Variants in ADAMTS16 observed in about 807,000 individuals in gnomAD.
The protein encoded by ADAMTS16 is ADAM metallopeptidase with thrombospondin type 1 motif 16, also known as A disintegrin and metalloproteinase with thrombospondin motifs 16.
A neutral mutation model predicts 145.8 loss-of-function variants in ADAMTS16; 94 were observed. That is an observed-to-expected ratio of 0.64 (90% confidence interval 0.55 to 0.77). The LOEUF is 0.77. Ranked by LOEUF, ADAMTS16 falls within the 30% of genes least tolerant of loss-of-function variation. The pLI is 0.00. For missense variants in ADAMTS16, 1,585 were observed against 1,591.5 expected (o/e 1.00, Z 0.07); for synonymous variants, 659 against 604.3 (o/e 1.09, Z -1.33).
intron 3 of ADAMTS16, among the ~76,000 whole-genome samples, chr5:5,158,852 T>C (rs530619271): frequency 2.5e-4 from 38 of 152,348 alleles, no homozygotes; most frequent in African/African-American, 8.9e-4. Context: ...TGCTTCAGTC[T>C]CTTAGGCATG....
At chr5:5,211,104 T>A (rs970933292) in intron 10 of ADAMTS16, among the ~76,000 whole-genome samples, 17 of 152,230 alleles carry the variant, frequency 1.1e-4, no homozygotes, top group African/African-American at 3.9e-4. Flanking sequence ...CCTAATAAAA[T>A]CAGTTGACAG....
chr5:5,257,549 A>C (rs190765122), intron 17 of ADAMTS16, among the ~76,000 whole-genome samples: 4 of 152,380 alleles, frequency 2.6e-5, no homozygotes, highest in Non-Finnish European at 4.4e-5. Context: ...ATGTAATGCA[A>C]ACAACTGGGA....
intron 9 of ADAMTS16, among the ~76,000 whole-genome samples, chr5:5,204,410 G>A (rs2126597131): frequency 6.6e-6 from 1 of 152,268 alleles, no homozygotes; most frequent in South Asian, 2.1e-4. Flanking sequence ...GAACGCAATA[G>A]TGTAACTAAC....
In ADAMTS16 at chr5:5,303,326, C is replaced by T. The variant is rs1169473437; in HGVS notation, c.2848C>T (p.Arg950Cys). 7 of 1,602,460 alleles carry T rather than the reference C, an allele frequency of 4.4e-6. No homozygotes were observed. The highest frequency in any genetic ancestry group is 2.7e-5 in the African/African-American group (2 of 74,770). Reference protein sequence around the residue: ...SRTCGGGAQSRPVQCTRRVHY... With the variant: ...SRTCGGGAQSCPVQCTRRVHY... ...GACGTGTGGCGGGGGTGCCCAGAGC[C>T]GCCCCGTGCAGTGCACACGGCGGGT... The change falls in exon 19 of 23, where the codon CGC becomes TGC. Residue 950 changes from arginine (R) to cysteine (C), a missense_variant. Arg to Cys is a radical substitution (Grantham distance 180). Around this residue, in one of 3 missense-constraint regions of ADAMTS16, gnomAD observed 834 missense variants for 811.7 expected, o/e 1.03. Coordinates refer to ENST00000274181, the MANE Select transcript of ADAMTS16 (RefSeq NM_139056.4).
At chr5:5,288,808 AGCATGG>A (rs913328700) in intron 18 of ADAMTS16, among the ~76,000 whole-genome samples, 3 of 152,208 alleles carry the variant, frequency 2.0e-5, no homozygotes, top group Non-Finnish European at 4.4e-5. Context: ...GGAGCAATGC[AGCATGG>A]TGGATAAGAA....
intron 10 of ADAMTS16, among the ~76,000 whole-genome samples, chr5:5,219,525 T>C (rs1736532423): frequency 6.6e-6 from 1 of 152,256 alleles, no homozygotes; most frequent in South Asian, 2.1e-4. Context: ...CTATAGTTTT[T>C]ATTCGTTTGT....
At chr5:5,298,059 C>A (rs1271832585) in intron 18 of ADAMTS16, among the ~76,000 whole-genome samples, 2 of 152,238 alleles carry the variant, frequency 1.3e-5, no homozygotes, top group Non-Finnish European at 2.9e-5. Context: ...CTGGCATTAA[C>A]TCCTAGATGG....
In ADAMTS16 at chr5:5,212,854, G is replaced by A. The variant is rs182802854; in HGVS notation, c.1605+3608G>A. 1.3e-4 allele frequency among the ~76,000 whole-genome samples: 20 copies of A among 152,024 alleles called. No individual in the cohort carries two copies. The East Asian group carries it at 3.9e-3, about 29-fold the overall frequency. ...TTTCTATTAGTCTCATTTCTATTTT[G>A]TTTCTCTGTTCCCTTTCTTCTGCCT... On this transcript the variant is annotated intron_variant, in intron 10 of 22. Coordinates refer to ENST00000274181, the MANE Select transcript of ADAMTS16 (RefSeq NM_139056.4).
rs532703925 is a variant in ADAMTS16 at position 5,161,652 on chromosome 5, C to T, written c.501+15197C>T. Among the ~76,000 whole-genome samples the T allele has an allele frequency of 2.0e-5, 3 of 152,302 alleles. No individual in the cohort carries two copies. In the East Asian group the frequency reaches 5.8e-4, roughly 29 times the overall value. On this transcript the variant is annotated intron_variant, in intron 3 of 22. Coordinates refer to ENST00000274181, the MANE Select transcript of ADAMTS16 (RefSeq NM_139056.4). Reference sequence around the variant, plus strand: ...TCCAAATTTCCATACTGTCTTAATTCACCTTCCATTCACAGGTCCTTTCCA... The same window carrying T: ...TCCAAATTTCCATACTGTCTTAATTTACCTTCCATTCACAGGTCCTTTCCA...
At chr5:5,241,162 G>A (rs778483283) in intron 16 of ADAMTS16, among the ~76,000 whole-genome samples, 1 of 152,050 alleles carries the variant, frequency 6.6e-6, no homozygotes, top group Non-Finnish European at 1.5e-5. Context: ...GGGAGGGTGA[G>A]GATCTTTTTC....
chr5:5,220,957 G>T (rs1736587591), intron 10 of ADAMTS16, among the ~76,000 whole-genome samples: 1 of 151,892 alleles, frequency 6.6e-6, no homozygotes, highest in Non-Finnish European at 1.5e-5. Flanking sequence ...CATTCCTTAG[G>T]TATGCATGCT....
rs534926156 is a variant in ADAMTS16, at chr5:5,239,417, G to A, written c.2278+143G>A. On this transcript the variant is annotated intron_variant, in intron 15 of 22. Coordinates refer to ENST00000274181, the MANE Select transcript of ADAMTS16 (RefSeq NM_139056.4). ...TGCCTCAGCTGGCGCTTTGCTTCTC[G>A]AGCCTCTTGCTTTGATTGGAAGTGG... 3.8e-6 allele frequency: 5 copies of A among 1,324,668 alleles called. No homozygotes were observed. In the South Asian group the frequency reaches 4.7e-5, roughly 12 times the overall value. 82.1% of individuals were successfully genotyped at this position (1,324,668 alleles called of 1,614,324 possible).
At chr5:5,301,694 G>A (rs115081489) in intron 18 of ADAMTS16, among the ~76,000 whole-genome samples, 1 of 152,170 alleles carries the variant, frequency 6.6e-6, no homozygotes, top group African/African-American at 2.4e-5. Context: ...GGTTCAGTGT[G>A]GGGGCACAGG....
intron 4 of ADAMTS16, 130 bp from the exon 5 acceptor site, chr5:5,185,922 G>A: frequency 2.7e-6 from 2 of 737,688 alleles, no homozygotes; most frequent in Non-Finnish European, 4.6e-6. Flanking sequence ...TGCATCACAA[G>A]GTTTTAAAGG....
chr5:5,261,658 G>A lies in ADAMTS16; in HGVS notation c.2663-999G>A, dbSNP rs79878016. ...GTGCCACCACGCCCAGCTAATTTTT[G>A]TATTTTTAGTAGAGACGGAGTTTCA... On this transcript the variant is annotated intron_variant, in intron 17 of 22. Coordinates refer to ENST00000274181, the MANE Select transcript of ADAMTS16 (RefSeq NM_139056.4). 2.4e-3 allele frequency among the ~76,000 whole-genome samples: 358 copies of A among 152,116 alleles called. 7 individuals carry two copies. In the East Asian group the frequency reaches 0.053, roughly 23 times the overall value.
chr5:5,170,201 G>A (rs188040671), intron 3 of ADAMTS16, among the ~76,000 whole-genome samples: 4 of 151,984 alleles, frequency 2.6e-5, no homozygotes, highest in South Asian at 2.1e-4. Flanking sequence ...CCACATCCTC[G>A]CCAGCATTTT....
intron 10 of ADAMTS16, among the ~76,000 whole-genome samples, chr5:5,221,504 A>G (rs535198534): frequency 3.3e-5 from 5 of 152,276 alleles, no homozygotes. Context: ...AGATCATGAC[A>G]TTTCATTGCA....
chr5:5,227,230 C>A (rs1472557764), intron 11 of ADAMTS16, among the ~76,000 whole-genome samples: 1 of 152,202 alleles, frequency 6.6e-6, no homozygotes, highest in Non-Finnish European at 1.5e-5. Flanking sequence ...ATACACTGCT[C>A]CCCTGCATCT....
At position 5,209,625 on chromosome 5, in the gene ADAMTS16, A is replaced by G. The variant is rs566103185; in HGVS notation, c.1605+379A>G. On this transcript the variant is annotated intron_variant, in intron 10 of 22. Transcript: ENST00000274181. ...TCTCCCAATATAAGCATACTTTACT[A>G]TAAAGCAGCAGCTTACCTAGGGCTA... is the stretch of plus-strand genomic sequence containing the variant. 7.9e-5 allele frequency among the ~76,000 whole-genome samples: 12 copies of G among 152,342 alleles called. No individual in the cohort carries two copies. In the East Asian group the frequency reaches 1.7e-3, roughly 22 times the overall value.
Sources: allele counts gnomAD v4.1 joint callset (sites outside exome capture counted in the v4.1 genomes callset), GRCh38; gene constraint gnomAD v4.1.1; regional missense constraint gnomAD v4.1.1; transcripts MANE v1.5; gene names NCBI Gene and HGNC (gene_info 2026-07-23, HGNC 2026-07-21).